CDH4: variants seen among roughly 807,000 people sequenced by gnomAD.
CDH4 encodes cadherin-4.
In CDH4, 33 loss-of-function variants were observed where a neutral mutation model predicts 86.0. That is an observed-to-expected ratio of 0.38 (90% CI 0.29 to 0.51). The LOEUF (loss-of-function observed/expected upper bound fraction) is 0.51, where lower values mean the gene tolerates loss of function less well. Ranked by LOEUF, CDH4 falls within the 20% of genes least tolerant of loss-of-function variation. The pLI is 0.86. For synonymous variants in CDH4, 555 were observed against 549.4 expected, an observed-to-expected ratio of 1.01 and a Z score of -0.14; for missense variants, 1,114 against 1,307.4, an observed-to-expected ratio of 0.85 and a Z score of 2.28.
intron 2 of CDH4, among the ~76,000 whole-genome samples, chr20:61,724,741 TTCC>T (rs2088090029): frequency 6.6e-6 from 1 of 152,214 alleles, no homozygotes; most frequent in Admixed American, 6.5e-5. Flanking sequence ...CCTCTAAATT[TTCC>T]TCCTGATTTG....
In CDH4 at chr20:61,623,102, G is replaced by C. The variant is rs532673620; in HGVS notation, c.170-120461G>C. On this transcript the variant is annotated intron_variant, in intron 2 of 15. Transcript: ENST00000614565. The surrounding 1 kb of genome is among the most constrained non-coding windows in gnomAD (Gnocchi z 4.4). The stretch of plus-strand genomic sequence containing the variant: ...TTCATTTAAAATAATGACATAAGAC[G>C]TGTGGGTTGGAGATGGATGCAGAGA... Among the ~76,000 whole-genome samples, 1 of 152,184 alleles carries C rather than the reference G, an allele frequency of 6.6e-6. No homozygotes were observed. Among genetic ancestry groups the C allele is most frequent in the Non-Finnish European group, 1.5e-5 (1 of 68,036 alleles).
At chr20:61,883,094 G>A (rs533463325) in intron 7 of CDH4, among the ~76,000 whole-genome samples, 21 of 117,444 alleles carry the variant, frequency 1.8e-4, no homozygotes, top group East Asian at 1.5e-3. Context: ...CCATTCCCCC[G>A]GCACCCCAAG....
rs1261011097 is a variant in CDH4, at chr20:61,663,506, C to T, written c.170-80057C>T. ...CTAGAAATGCCAATGCTGGGGATGC[C>T]GCCGAGTGGGTCAGAGGGGCCGGAG... On this transcript the variant is annotated intron_variant, in intron 2 of 15. Transcript: ENST00000614565. The surrounding 1 kb of genome is among the most constrained non-coding windows in gnomAD (Gnocchi z 5.0). Among the ~76,000 whole-genome samples, 3 of 152,042 alleles carry T rather than the reference C, an allele frequency of 2.0e-5. No homozygotes were observed. Among genetic ancestry groups the T allele is most frequent in the Admixed American group, 6.6e-5 (1 of 15,262 alleles).
chr20:61,379,684 G>A (rs1195392448), intron 2 of CDH4, among the ~76,000 whole-genome samples: 3 of 152,074 alleles, frequency 2.0e-5, no homozygotes, highest in East Asian at 1.9e-4. Flanking sequence ...GCACTGATTC[G>A]ACAAAGAATT....
chr20:61,657,949 C>T (rs946389498), intron 2 of CDH4, among the ~76,000 whole-genome samples: 4 of 151,924 alleles, frequency 2.6e-5, no homozygotes, highest in Non-Finnish European at 5.9e-5. Context: ...GAGCCAATGG[C>T]ACTGTGTGTC....
At position 61,910,458 on chromosome 20, in the gene CDH4, G is replaced by A. The variant is rs557605363; in HGVS notation, c.1225G>A (p.Val409Met). 83 of 1,613,740 alleles carry A rather than the reference G, an allele frequency of 5.1e-5. No homozygotes were observed. The East Asian group carries it at 1.0e-3, about 19-fold the overall frequency. ...GEVPENRVET[V>M]VANLTVMDRD... ...GGTCCCCGAAAACCGCGTGGAGACC[G>A]TGGTCGCAAACCTCACGGTGATGGA... Residue 409 changes from valine to methionine, a missense_variant, in exon 9 of 16, where the codon GTG (valine) becomes ATG (methionine). Coordinates refer to ENST00000614565, the MANE Select transcript of CDH4 (RefSeq NM_001794.5).
At chr20:61,890,568 G>C (rs1440210913) in intron 7 of CDH4, among the ~76,000 whole-genome samples, 2 of 151,826 alleles carry the variant, frequency 1.3e-5, no homozygotes. Context: ...GATGATGCAT[G>C]ATGGATGTGC....
At chr20:61,473,924 T>G (rs1045227299) in intron 2 of CDH4, among the ~76,000 whole-genome samples, 7 of 152,150 alleles carry the variant, frequency 4.6e-5, no homozygotes, top group Admixed American at 4.6e-4. Context: ...AATAGCCAGG[T>G]ATAAATCTTG....
At chr20:61,852,229 TG>T (rs1407315960) in intron 5 of CDH4, among the ~76,000 whole-genome samples, 2 of 152,118 alleles carry the variant, frequency 1.3e-5, no homozygotes, top group Non-Finnish European at 2.9e-5. Context: ...GGACTCTCAG[TG>T]GACGCCCAAA....
chr20:61,605,586 T>C (rs2023692782), intron 2 of CDH4, among the ~76,000 whole-genome samples: 1 of 151,930 alleles, frequency 6.6e-6, no homozygotes, highest in African/African-American at 2.4e-5. Context: ...TCTGCCTCCC[T>C]GTCTCTCCCT....
At chr20:61,256,110 T>C (rs547232524) in intron 2 of CDH4, among the ~76,000 whole-genome samples, 1 of 152,330 alleles carries the variant, frequency 6.6e-6, no homozygotes, top group South Asian at 2.1e-4. Context: ...ACTGTGTATG[T>C]CACTTTGGAG....
intron 2 of CDH4, among the ~76,000 whole-genome samples, chr20:61,593,842 G>A (rs1034652196): frequency 2.6e-5 from 4 of 151,348 alleles, no homozygotes; most frequent in Admixed American, 2.0e-4. Context: ...TGTAACATTC[G>A]TTGAGGTGCG....
intron 2 of CDH4, among the ~76,000 whole-genome samples, chr20:61,647,542 T>TCTCTCTCTCTCC (rs1281087765): frequency 1.8e-5 from 2 of 108,228 alleles, no homozygotes; most frequent in Non-Finnish European, 4.1e-5. Context: ...TCCCTCTCCC[T>TCTCTCTCTCTCC]CTCCCTCTCC....
chr20:61,815,516 G>A (rs976908753), intron 4 of CDH4, among the ~76,000 whole-genome samples: 9 of 152,188 alleles, frequency 5.9e-5, no homozygotes, highest in Admixed American at 2.6e-4. Flanking sequence ...GGAGGAAGAC[G>A]CAGCCTCTGT....
chr20:61,707,578 G>A (rs768201724), intron 2 of CDH4, among the ~76,000 whole-genome samples: 20 of 152,198 alleles, frequency 1.3e-4, no homozygotes, highest in Non-Finnish European at 1.2e-4. Context: ...CATAAAAAAG[G>A]GGAAAGGATG....
intron 6 of CDH4, among the ~76,000 whole-genome samples, chr20:61,859,105 A>G (rs1364401991): frequency 6.6e-6 from 1 of 152,118 alleles, no homozygotes; most frequent in Non-Finnish European, 1.5e-5. Flanking sequence ...AGCCATTCTA[A>G]GAGGTGCATG....
chr20:61,711,651 T>C (rs1475805713), intron 2 of CDH4, among the ~76,000 whole-genome samples: 5 of 152,228 alleles, frequency 3.3e-5, no homozygotes. Context: ...CACCTGCAAG[T>C]CTCCTTTGCA....
chr20:61,479,169 T>C (rs945257022), intron 2 of CDH4, among the ~76,000 whole-genome samples: 3 of 112,002 alleles, frequency 2.7e-5, no homozygotes, highest in Non-Finnish European at 5.9e-5. Context: ...TGATCACTGG[T>C]TTTTTGTTTT....
chr20:61,590,173 G>C (rs1429051552), intron 2 of CDH4, among the ~76,000 whole-genome samples: 30 of 140,670 alleles, frequency 2.1e-4, no homozygotes, highest in African/African-American at 7.1e-4. Context: ...AGGGATGGGT[G>C]GGGGGAGGAG....
Sources: gnomAD v4.1 joint callset for allele counts (sites outside exome capture counted in the v4.1 genomes callset) on GRCh38, gnomAD v4.1.1 for gene constraint, Gnocchi (gnomAD v3.1) non-coding constraint, MANE v1.5 for transcripts, NCBI Gene and HGNC (gene_info 2026-07-23, HGNC 2026-07-21) for gene names.